The following ATXN10 variants were observed in gnomAD, a reference collection of about 807,000 sequenced individuals.
ATXN10 encodes the protein ataxin-10.
In ATXN10, 28 loss-of-function variants were observed where a neutral mutation model predicts 52.9. The observed-to-expected ratio is 0.53, with a 90% CI of 0.39 to 0.73. ATXN10 has a LOEUF of 0.73. Ranked by LOEUF, ATXN10 falls within the 30% of genes least tolerant of loss-of-function variation. The pLI is 0.00. For missense variants in ATXN10, 565 were observed against 577.0 expected, an observed-to-expected ratio of 0.98 and a Z score of 0.21; for synonymous variants, 226 against 221.5, an observed-to-expected ratio of 1.02 and a Z score of -0.18.
Position 45,781,132 on chromosome 22 carries a change from C to T in ATXN10, c.1174-25827C>T, listed in dbSNP as rs1569061930. Among the ~76,000 whole-genome samples, 1 of 152,190 alleles carries T rather than the reference C, an allele frequency of 6.6e-6. No individual in the cohort carries two copies. The highest frequency in any genetic ancestry group is 1.5e-5 in the Non-Finnish European group (1 of 68,020). ...GTAAGTGCCCTATTTCAGCCAAACACCACGGAAAAGAATGTGGCCCCAGCC... is the reference window on the plus strand; with the variant it reads ...GTAAGTGCCCTATTTCAGCCAAACATCACGGAAAAGAATGTGGCCCCAGCC... On this transcript the variant is annotated intron_variant, in intron 9 of 11. Transcript: ENST00000252934. This position sits in a 1 kb window ranked among gnomAD's most constrained non-coding sequence, Gnocchi z 4.2.
Position 45,719,524 on chromosome 22 carries a change from G to A in ATXN10, c.728+1031G>A, listed in dbSNP as rs79691901. 7.5e-3 allele frequency among the ~76,000 whole-genome samples: 1,129 copies of A among 151,482 alleles called. 9 individuals carry two copies. Among genetic ancestry groups the A allele is most frequent in the African/African-American group, 0.016 (656 of 41,310 alleles). On this transcript the variant is annotated intron_variant, in intron 6 of 11. Transcript: ENST00000252934. Reference sequence around the variant, plus strand: ...ATTTGTAGTTTTTTGACCTAAAAGAGATAATACGACATACAGTGCTAAAAA... The same window carrying A: ...ATTTGTAGTTTTTTGACCTAAAAGAAATAATACGACATACAGTGCTAAAAA...
intron 7 of ATXN10, among the ~76,000 whole-genome samples, chr22:45,737,973 A>C (rs6006800): frequency 6.6e-6 from 1 of 151,956 alleles, no homozygotes; most frequent in South Asian, 2.1e-4. Context: ...AATGTGAAGA[A>C]TGTTATCTTT....
At position 45,744,743 on chromosome 22, in the gene ATXN10, G is replaced by A. The variant is rs1407323784; in HGVS notation, c.1173+4205G>A. ...CTAAGGACAGGCACTGGACTGCCAG[G>A]AGCATGGTATCAACTGGAAGGATGG... On this transcript the variant is annotated intron_variant, in intron 9 of 11. Transcript: ENST00000252934. The surrounding 1 kb of genome is among the most constrained non-coding windows in gnomAD (Gnocchi z 4.9). 2.0e-5 allele frequency: 3 copies of A among 152,226 alleles called. No individual in the cohort carries two copies. Among genetic ancestry groups the A allele is most frequent in the Non-Finnish European group, 4.4e-5 (3 of 68,046 alleles). 9.4% of individuals were successfully genotyped at this position (152,226 alleles called of 1,614,324 possible).
At position 45,757,363 on chromosome 22, in the gene ATXN10, A is replaced by G. The variant is rs879789314; in HGVS notation, c.1173+16825A>G. 6.6e-6 allele frequency among the ~76,000 whole-genome samples: 1 copy of G among 152,154 alleles called. No homozygotes were observed. The highest frequency in any genetic ancestry group is 1.5e-5 in the Non-Finnish European group (1 of 68,020). The stretch of plus-strand genomic sequence containing the variant: ...ACTGGAGCAATACCAGCTGATTCTA[A>G]CAGTGTGGCCCAGCAGCGCCTGCTG... On this transcript the variant is annotated intron_variant, in intron 9 of 11. Transcript: ENST00000252934. This position sits in a 1 kb window ranked among gnomAD's most constrained non-coding sequence, Gnocchi z 4.6.
chr22:45,812,999 T>C (rs987141695), intron 10 of ATXN10, among the ~76,000 whole-genome samples: 2 of 152,158 alleles, frequency 1.3e-5, no homozygotes, highest in East Asian at 3.8e-4. Flanking sequence ...ACCAGGGATT[T>C]CCAAATCCAG....
At chr22:45,829,053 C>T (rs1386934476) in intron 10 of ATXN10, among the ~76,000 whole-genome samples, 3 of 152,212 alleles carry the variant, frequency 2.0e-5, no homozygotes, top group South Asian at 2.1e-4. Flanking sequence ...TCCTGGAATG[C>T]GGGGGTGGTT....
Position 45,708,704 on chromosome 22 carries a change from A to G in ATXN10, c.647+5857A>G, listed in dbSNP as rs765878148. Among the ~76,000 whole-genome samples the G allele has an allele frequency of 3.3e-5, 5 of 152,080 alleles. No homozygotes were observed. Among genetic ancestry groups the G allele is most frequent in the Non-Finnish European group, 7.4e-5 (5 of 68,006 alleles). On this transcript the variant is annotated intron_variant, in intron 5 of 11. Transcript: ENST00000252934. This position sits in a 1 kb window ranked among gnomAD's most constrained non-coding sequence, Gnocchi z 5.3. Reference sequence around the variant, plus strand: ...GCCCAGGCTGGAGTGCAGTGGTGTGATCTTGACTCACTGCAACCTCTGCCT... The same window carrying G: ...GCCCAGGCTGGAGTGCAGTGGTGTGGTCTTGACTCACTGCAACCTCTGCCT...
chr22:45,785,948 A>C (rs1034303498), intron 9 of ATXN10, among the ~76,000 whole-genome samples: 2 of 152,252 alleles, frequency 1.3e-5, no homozygotes, highest in Non-Finnish European at 2.9e-5. Flanking sequence ...CAAAGCAGAC[A>C]AATTTTGTAG....
intron 1 of ATXN10, chr22:45,672,819 G>T (rs1477800670): frequency 6.6e-6 from 1 of 152,368 alleles, no homozygotes; most frequent in East Asian, 1.9e-4. Flanking sequence ...TTGTGGATTT[G>T]GTTCCTGGCC....
chr22:45,723,752 T>C (rs1431721610), intron 6 of ATXN10, among the ~76,000 whole-genome samples: 1 of 152,102 alleles, frequency 6.6e-6, no homozygotes, highest in Non-Finnish European at 1.5e-5. Context: ...GACCAGGAGT[T>C]TGAGACTAGC....
In ATXN10 at chr22:45,727,915, C is replaced by T. The variant is rs577327459; in HGVS notation, c.729-1510C>T. 1.3e-5 allele frequency among the ~76,000 whole-genome samples: 2 copies of T among 152,022 alleles called. No homozygotes were observed. Among genetic ancestry groups the T allele is most frequent in the South Asian group, 2.1e-4 (1 of 4,820 alleles). Reference sequence around the variant, plus strand: ...ACATAAGAGCTGTTCTGCTTGCTTTCGGTTTCCATTTGCATGAAATATCTT... The same window carrying T: ...ACATAAGAGCTGTTCTGCTTGCTTTTGGTTTCCATTTGCATGAAATATCTT... On this transcript the variant is annotated intron_variant, in intron 6 of 11. Transcript: ENST00000252934. The surrounding 1 kb of genome is among the most constrained non-coding windows in gnomAD (Gnocchi z 4.6).
chr22:45,682,059 T>A (rs1400602989), intron 1 of ATXN10, among the ~76,000 whole-genome samples: 1 of 152,088 alleles, frequency 6.6e-6, no homozygotes, highest in Admixed American at 6.6e-5. Flanking sequence ...AGTCTTCTTC[T>A]CTCCCCCCTT....
At position 45,833,400 on chromosome 22, in the gene ATXN10, A is replaced by G. The variant is rs1156679955; in HGVS notation, c.1238-9591A>G. On this transcript the variant is annotated intron_variant, in intron 10 of 11. Transcript: ENST00000252934. This position sits in a 1 kb window ranked among gnomAD's most constrained non-coding sequence, Gnocchi z 4.3. Reference sequence around the variant, plus strand: ...GCATAAGAGCGCTCCTTGACTCCTCAGGGCCTGCTGGGTCTTGTCTGTTCT... The same window carrying G: ...GCATAAGAGCGCTCCTTGACTCCTCGGGGCCTGCTGGGTCTTGTCTGTTCT... 6.6e-6 allele frequency among the ~76,000 whole-genome samples: 1 copy of G among 152,206 alleles called. No individual in the cohort carries two copies. Among genetic ancestry groups the G allele is most frequent in the Non-Finnish European group, 1.5e-5 (1 of 68,034 alleles).
At chr22:45,734,900 T>TA (rs1569041925) in intron 7 of ATXN10, among the ~76,000 whole-genome samples, 1 of 150,318 alleles carries the variant, frequency 6.7e-6, no homozygotes, top group Admixed American at 6.6e-5. Context: ...TTATTATTAT[T>TA]TTGAGATAGA....
intron 1 of ATXN10, chr22:45,673,229 C>A (rs134861): frequency 0.13 from 19,440 of 152,234 alleles, 1,544 homozygotes; most frequent in East Asian, 0.19. Context: ...ATGGAAAGTC[C>A]TTGCTCTCTC....
Position 45,785,212 on chromosome 22 carries a change from T to TG in ATXN10, c.1174-21745dup, listed in dbSNP as rs138279387. ...GTGGTACTTTCGGGAGGCTACTAAA[T>TG]GGAGTGGAGTTTTAAGTAATGTGCA... On this transcript the variant is annotated intron_variant, in intron 9 of 11. Transcript: ENST00000252934. Among the ~76,000 whole-genome samples the TG allele has an allele frequency of 9.2e-3, 1,404 of 152,316 alleles. 32 individuals are homozygous for TG. The highest frequency in any genetic ancestry group is 0.032 in the African/African-American group (1,347 of 41,580).
At chr22:45,716,116 A>G (rs1490337656) in intron 5 of ATXN10, among the ~76,000 whole-genome samples, 1 of 152,022 alleles carries the variant, frequency 6.6e-6, no homozygotes, top group Middle Eastern at 3.2e-3. Context: ...AAAAATAAAA[A>G]AAGCTGCGTA....
chr22:45,793,642 C>G (rs775702072), intron 9 of ATXN10: 22 of 1,391,190 alleles, frequency 1.6e-5, no homozygotes, highest in Non-Finnish European at 2.0e-5. Flanking sequence ...TTCCACCAGC[C>G]TTTGCCAAGG....
rs375524761 is a variant in ATXN10, at chr22:45,842,018, C to T, written c.1238-973C>T. Among the ~76,000 whole-genome samples, 4 of 152,230 alleles carry T rather than the reference C, an allele frequency of 2.6e-5. No individual in the cohort carries two copies. The highest frequency in any genetic ancestry group is 2.1e-4 in the South Asian group (1 of 4,826). ...GTTTGTCTTGCTGCCTTTATCTGCT[C>T]GTGGGCAGGGAGGTCTCTTTCTTTG... is the stretch of plus-strand genomic sequence containing the variant. On this transcript the variant is annotated intron_variant, in intron 10 of 11. Transcript: ENST00000252934. This position sits in a 1 kb window ranked among gnomAD's most constrained non-coding sequence, Gnocchi z 4.8.
Sources: gnomAD v4.1 joint callset for allele counts (sites outside exome capture counted in the v4.1 genomes callset) on GRCh38, gnomAD v4.1.1 for gene constraint, Gnocchi (gnomAD v3.1) non-coding constraint, MANE v1.5 for transcripts, NCBI Gene and HGNC (gene_info 2026-07-23, HGNC 2026-07-21) for gene names.